Variants in BANP observed in about 807,000 individuals in gnomAD.
BANP encodes the protein BTG3 associated nuclear protein.
BANP carries 11 observed loss-of-function variants against 68.1 expected under a neutral mutation model. That is an observed-to-expected ratio of 0.16 (90% CI 0.10 to 0.27). The LOEUF is 0.27. Among genes scored for constraint, BANP ranks in the 10% least tolerant of loss-of-function variants. The pLI, the probability that BANP is intolerant of heterozygous loss-of-function variation, is 1.00. For missense variants in BANP, 504 were observed against 722.7 expected (o/e 0.70, Z 3.47); for synonymous variants, 329 against 303.2 (o/e 1.09, Z -0.88).
chr16:87,974,939 C>T, intron 1 of BANP, 109 bp from the exon 2 acceptor site: 2 of 593,994 alleles, frequency 3.4e-6, no homozygotes, highest in Non-Finnish European at 6.1e-6. Context: ...TGTAAAACTC[C>T]ACAGACGTTC....
intron 11 of BANP, among the ~76,000 whole-genome samples, chr16:88,044,386 C>T (rs368559411): frequency 2.0e-5 from 3 of 152,380 alleles, no homozygotes; most frequent in East Asian, 3.9e-4. Context: ...CCTCCTCCCT[C>T]GCTCACGTGT....
At chr16:88,029,751 G>A (rs2077754513) in intron 8 of BANP, among the ~76,000 whole-genome samples, 1 of 152,222 alleles carries the variant, frequency 6.6e-6, no homozygotes. Context: ...ACAAGCAACA[G>A]CACAGGACCG....
chr16:88,014,897 T>C (rs1211602715), intron 6 of BANP, among the ~76,000 whole-genome samples: 1 of 152,060 alleles, frequency 6.6e-6, no homozygotes, highest in East Asian at 1.9e-4. Flanking sequence ...CTGGGAACCC[T>C]GGGAAGTTTA....
chr16:87,999,113 C>G (rs1327441644), intron 4 of BANP, among the ~76,000 whole-genome samples: 2 of 136,248 alleles, frequency 1.5e-5, no homozygotes, highest in East Asian at 2.3e-4. Context: ...CTTCCAGACA[C>G]CCAGACACGT....
In BANP at chr16:88,003,276, T is replaced by G. The variant is rs998764403; in HGVS notation, c.363-1019T>G. On this transcript the variant is annotated intron_variant, in intron 4 of 13. Transcript: ENST00000682872. The surrounding 1 kb of genome is among the most constrained non-coding windows in gnomAD (Gnocchi z 6.1). ...ATTTTAGGAGAAAACCTGGTGGTCC[T>G]GTGATTTACTTGAGCATGGCGTGGT... 2.0e-5 allele frequency among the ~76,000 whole-genome samples: 3 copies of G among 152,244 alleles called. No individual in the cohort carries two copies. The highest frequency in any genetic ancestry group is 4.4e-5 in the Non-Finnish European group (3 of 68,040).
intron 2 of BANP, 71 bp from the exon 3 acceptor site, chr16:87,980,965 T>C (rs1232503003): frequency 6.6e-6 from 7 of 1,054,056 alleles, no homozygotes; most frequent in African/African-American, 6.3e-5. Context: ...CACTGTTTAC[T>C]ATCTTAATGT....
At chr16:88,040,929 T>A (rs2080622029) in intron 11 of BANP, among the ~76,000 whole-genome samples, 1 of 152,222 alleles carries the variant, frequency 6.6e-6, no homozygotes, top group South Asian at 2.1e-4. Flanking sequence ...CCAACTGTCA[T>A]TTAGGAATGG....
intron 6 of BANP, among the ~76,000 whole-genome samples, chr16:88,006,811 G>C (rs1228663330): frequency 2.6e-5 from 4 of 151,812 alleles, no homozygotes; most frequent in Non-Finnish European, 5.9e-5. Context: ...AATTAGTTGG[G>C]CACGGTGACA....
intron 6 of BANP, among the ~76,000 whole-genome samples, chr16:88,014,851 C>T (rs947979536): frequency 5.3e-5 from 8 of 152,026 alleles, no homozygotes; most frequent in Non-Finnish European, 1.0e-4. Context: ...AGACCACCCT[C>T]ATGTACCCAG....
intron 4 of BANP, among the ~76,000 whole-genome samples, chr16:87,989,949 CAG>C (rs201747035): frequency 0.011 from 1,527 of 141,358 alleles, 45 homozygotes; most frequent in African/African-American, 0.038. Flanking sequence ...GGGCGGGCGA[CAG>C]GGGATGCAGG....
At chr16:88,050,875 C>T (rs368181707) in intron 11 of BANP, among the ~76,000 whole-genome samples, 111 of 151,996 alleles carry the variant, frequency 7.3e-4, no homozygotes, top group Middle Eastern at 6.8e-3. Context: ...TTTATAGAGA[C>T]GGGGTTTTGC....
At chr16:88,006,515 A>G (rs1894057555) in intron 6 of BANP, among the ~76,000 whole-genome samples, 2 of 151,644 alleles carry the variant, frequency 1.3e-5, no homozygotes, top group South Asian at 4.2e-4. Context: ...GTGTGGTGGC[A>G]GGTGCCTGTA....
Position 88,003,691 on chromosome 16 carries a change from C to T in BANP, c.363-604C>T, listed in dbSNP as rs559737817. 4 of 358,942 alleles carry T rather than the reference C, an allele frequency of 1.1e-5. No individual in the cohort carries two copies. The highest frequency in any genetic ancestry group is 2.2e-5 in the Non-Finnish European group (4 of 183,022). The allele number at this position is 358,942 out of a possible 1,614,324, so 22.2% of individuals were successfully genotyped here. On this transcript the variant is annotated intron_variant, in intron 4 of 13. Coordinates refer to ENST00000682872, the MANE Select transcript of BANP (RefSeq NM_001386991.1). The surrounding 1 kb of genome is among the most constrained non-coding windows in gnomAD (Gnocchi z 6.1). Reference sequence around the variant, plus strand: ...GTCTGTTCTTTTGTAGAATCTTTTCCTTCAAAGCAGAACCCTGAGCCCTTT... The same window carrying T: ...GTCTGTTCTTTTGTAGAATCTTTTCTTTCAAAGCAGAACCCTGAGCCCTTT...
At chr16:87,951,615 CG>C (rs1283076063) in intron 1 of BANP, 100 bp downstream of exon 1, 3 of 149,488 alleles carry the variant, frequency 2.0e-5, no homozygotes, top group Non-Finnish European at 4.5e-5. Flanking sequence ...TCCCGCCCGC[CG>C]GGCCGCCCGC....
At chr16:87,968,033 C>A (rs543413258) in intron 1 of BANP, among the ~76,000 whole-genome samples, 1 of 150,864 alleles carries the variant, frequency 6.6e-6, no homozygotes, top group East Asian at 2.0e-4. Context: ...GGATTACAGG[C>A]GTGAGCCACC....
At chr16:88,037,263 TG>T (rs1168909747) in intron 10 of BANP, 1 of 152,256 alleles carries the variant, frequency 6.6e-6, no homozygotes, top group Non-Finnish European at 1.5e-5. Flanking sequence ...TTTTCAAAAC[TG>T]AATCCATCTT....
intron 6 of BANP, among the ~76,000 whole-genome samples, chr16:88,010,737 G>A (rs2072842562): frequency 6.6e-6 from 1 of 151,438 alleles, no homozygotes; most frequent in African/African-American, 2.4e-5. Context: ...CGGAACACCA[G>A]CTATGCACGT....
intron 6 of BANP, among the ~76,000 whole-genome samples, chr16:88,014,397 C>G (rs1400640419): frequency 6.6e-6 from 1 of 151,570 alleles, no homozygotes; most frequent in Non-Finnish European, 1.5e-5. Context: ...GTGGCAGCAC[C>G]CCCCAGGAGC....
intron 11 of BANP, among the ~76,000 whole-genome samples, chr16:88,046,418 G>C (rs1193563034): frequency 6.6e-6 from 1 of 152,192 alleles, no homozygotes. Context: ...TGAATTAAAC[G>C]GTTTGGTAAA....
Sources: gnomAD v4.1 joint callset for allele counts (sites outside exome capture counted in the v4.1 genomes callset) on GRCh38, gnomAD v4.1.1 for gene constraint, Gnocchi (gnomAD v3.1) non-coding constraint, MANE v1.5 for transcripts, NCBI Gene and HGNC (gene_info 2026-07-23, HGNC 2026-07-21) for gene names.